KCNH5: variants seen among roughly 807,000 people sequenced by gnomAD.
KCNH5 encodes the protein voltage-gated delayed rectifier potassium channel KCNH5.
Under a neutral mutation model 96.1 loss-of-function variants are expected in KCNH5, and 46 were observed. The ratio of observed to expected loss-of-function variants is 0.48; its 90% CI spans 0.38 to 0.61. KCNH5 has a LOEUF of 0.61. Among genes scored for constraint, KCNH5 ranks in the 20% least tolerant of loss-of-function variants. The pLI is 0.00. For missense variants in KCNH5, 907 were observed against 1,225.8 expected, an observed-to-expected ratio of 0.74 and a Z score of 3.88; for synonymous variants, 439 against 449.8, an observed-to-expected ratio of 0.98 and a Z score of 0.30.
At chr14:62,995,709 T>C (rs1041952501) in intron 4 of KCNH5, among the ~76,000 whole-genome samples, 5 of 152,104 alleles carry the variant, frequency 3.3e-5, no homozygotes, top group African/African-American at 1.2e-4. Context: ...TCCACTCTTC[T>C]CACACCCTTC....
intron 6 of KCNH5, among the ~76,000 whole-genome samples, chr14:62,977,179 T>A (rs1460464095): frequency 6.6e-6 from 1 of 152,008 alleles, no homozygotes; most frequent in South Asian, 2.1e-4. Context: ...AAGACCAGAC[T>A]GGCCATCATG....
intron 6 of KCNH5, among the ~76,000 whole-genome samples, chr14:62,963,576 T>A (rs1174204916): frequency 6.6e-6 from 1 of 151,954 alleles, no homozygotes; most frequent in East Asian, 1.9e-4. Context: ...ATGTTCCAGA[T>A]CAAGTAGTAA....
intron 6 of KCNH5, among the ~76,000 whole-genome samples, chr14:62,971,735 A>T (rs1172204084): frequency 4.6e-5 from 7 of 152,152 alleles, no homozygotes; most frequent in Non-Finnish European, 1.0e-4. Flanking sequence ...GACAAAGGCA[A>T]AAAGGCAATG....
At chr14:62,760,502 G>A (rs1885724812) in intron 10 of KCNH5, among the ~76,000 whole-genome samples, 1 of 152,188 alleles carries the variant, frequency 6.6e-6, no homozygotes, top group African/African-American at 2.4e-5. Context: ...TTCCGTTCCA[G>A]ATTGCGAGTT....
At chr14:62,787,675 T>C (rs1886346562) in intron 9 of KCNH5, among the ~76,000 whole-genome samples, 1 of 152,200 alleles carries the variant, frequency 6.6e-6, no homozygotes, top group African/African-American at 2.4e-5. Flanking sequence ...CTAATGCAGC[T>C]GGTGACTTTA....
intron 7 of KCNH5, among the ~76,000 whole-genome samples, chr14:62,863,887 G>T (rs1371052393): frequency 6.6e-6 from 1 of 152,030 alleles, no homozygotes; most frequent in Non-Finnish European, 1.5e-5. Context: ...TTTTTTATAT[G>T]TATCTGAATG....
chr14:62,855,870 T>A (rs1180718411), intron 7 of KCNH5, among the ~76,000 whole-genome samples: 1 of 152,050 alleles, frequency 6.6e-6, no homozygotes, highest in African/African-American at 2.4e-5. Context: ...TTAGTAGATA[T>A]TTATTTGACA....
intron 10 of KCNH5, among the ~76,000 whole-genome samples, chr14:62,774,038 T>A (rs1886045477): frequency 6.6e-6 from 1 of 152,196 alleles, no homozygotes; most frequent in South Asian, 2.1e-4. Flanking sequence ...CTAGGCAGAT[T>A]CACAGAATTC....
intron 7 of KCNH5, among the ~76,000 whole-genome samples, chr14:62,940,611 T>TG (rs1889768958): frequency 6.6e-6 from 1 of 152,204 alleles, no homozygotes; most frequent in Non-Finnish European, 1.5e-5. Context: ...CAAGCCAAAG[T>TG]GAAATGCATG....
intron 8 of KCNH5, among the ~76,000 whole-genome samples, chr14:62,830,479 T>C (rs547593742): frequency 8.5e-5 from 13 of 152,236 alleles, no homozygotes; most frequent in Admixed American, 2.6e-4. Flanking sequence ...TCAGGAAACA[T>C]ACAGTCATGG....
chr14:63,008,972 A>T (rs529893690), intron 2 of KCNH5, among the ~76,000 whole-genome samples: 2 of 152,286 alleles, frequency 1.3e-5, no homozygotes, highest in East Asian at 3.9e-4. Flanking sequence ...AATCTTAATA[A>T]AGCAGAAACA....
intron 10 of KCNH5, among the ~76,000 whole-genome samples, chr14:62,764,079 A>C (rs1885810655): frequency 6.6e-6 from 1 of 152,162 alleles, no homozygotes; most frequent in South Asian, 2.1e-4. Context: ...CAAATAATGA[A>C]AACTGCAGGC....
rs370816449 is a variant in KCNH5, at chr14:62,928,403, T to C, written c.1369+21730A>G. Among the ~76,000 whole-genome samples, 3 of 152,126 alleles carry C rather than the reference T, an allele frequency of 2.0e-5. No homozygotes were observed. The East Asian group carries it at 5.8e-4, about 29-fold the overall frequency. On this transcript the variant is annotated intron_variant, in intron 7 of 10. Coordinates refer to ENST00000322893, the MANE Select transcript of KCNH5 (RefSeq NM_139318.5). ...CCAAAAGATTATGACTGACAATTAATGAGCACCTGAATAGAGGTTTCTAGA... is the reference window on the plus strand; with the variant it reads ...CCAAAAGATTATGACTGACAATTAACGAGCACCTGAATAGAGGTTTCTAGA...
At chr14:62,802,667 C>T in intron 8 of KCNH5, 86 bp from the exon 9 acceptor site, 1 of 1,470,900 alleles carries the variant, frequency 6.8e-7, no homozygotes. Context: ...TATTTATTGA[C>T]TATGACTATG....
intron 6 of KCNH5, among the ~76,000 whole-genome samples, chr14:62,950,846 C>T (rs1889991224): frequency 6.6e-6 from 1 of 152,066 alleles, no homozygotes; most frequent in Non-Finnish European, 1.5e-5. Context: ...ATAAATGGTA[C>T]AGAGAGAAAC....
intron 9 of KCNH5, among the ~76,000 whole-genome samples, chr14:62,799,716 T>TACAC (rs1398888688): frequency 1.8e-5 from 2 of 113,350 alleles, no homozygotes; most frequent in African/African-American, 6.3e-5. Context: ...TATATATATA[T>TACAC]ATATATATAT....
intron 10 of KCNH5, among the ~76,000 whole-genome samples, chr14:62,762,264 C>T (rs1300935610): frequency 2.0e-5 from 3 of 152,100 alleles, no homozygotes; most frequent in African/African-American, 7.2e-5. Context: ...CTGTCTTGCC[C>T]ATGGAACAAG....
intron 10 of KCNH5, among the ~76,000 whole-genome samples, chr14:62,718,332 A>G (rs913593229): frequency 2.0e-5 from 3 of 152,156 alleles, no homozygotes; most frequent in South Asian, 2.1e-4. Context: ...TTTAGTATCC[A>G]GAATATATAA....
intron 9 of KCNH5, among the ~76,000 whole-genome samples, chr14:62,784,755 A>G (rs560440352): frequency 6.6e-6 from 1 of 152,296 alleles, no homozygotes; most frequent in African/African-American, 2.4e-5. Context: ...TATCTGTTAC[A>G]TATTTTATTT....
Sources: allele counts gnomAD v4.1 joint callset (sites outside exome capture counted in the v4.1 genomes callset), GRCh38; gene constraint gnomAD v4.1.1; transcripts MANE v1.5; gene names NCBI Gene and HGNC (gene_info 2026-07-23, HGNC 2026-07-21).